Variants in FSTL4 observed in about 807,000 individuals in gnomAD.
FSTL4 encodes the protein follistatin like 4, also known as follistatin-related protein 4.
FSTL4 carries 28 observed loss-of-function variants against 78.2 expected under a neutral mutation model. The observed-to-expected ratio is 0.36, with a 90% CI of 0.27 to 0.49. The LOEUF (loss-of-function observed/expected upper bound fraction) is 0.49. Among genes scored for constraint, FSTL4 ranks in the 20% least tolerant of loss-of-function variants. The pLI is 0.98. For synonymous variants in FSTL4, 422 were observed against 440.5 expected, an observed-to-expected ratio of 0.96 and a Z score of 0.53; for missense variants, 922 against 1,084.9, an observed-to-expected ratio of 0.85 and a Z score of 2.11.
At chr5:133,241,816 A>G (rs1245337076) in intron 7 of FSTL4, among the ~76,000 whole-genome samples, 1 of 152,194 alleles carries the variant, frequency 6.6e-6, no homozygotes. Flanking sequence ...CAGGCTGAGA[A>G]GGCCTTACCA....
the FSTL4 span, among the ~76,000 whole-genome samples, chr5:133,701,560 G>A: frequency 6.6e-6 from 1 of 150,768 alleles, no homozygotes; most frequent in African/African-American, 2.4e-5. Flanking sequence ...AGGAATGCAG[G>A]TGACCATGGT....
chr5:133,525,785 G>T (rs1441413645), intron 3 of FSTL4, among the ~76,000 whole-genome samples: 1 of 152,164 alleles, frequency 6.6e-6, no homozygotes, highest in Non-Finnish European at 1.5e-5. Flanking sequence ...AGCAGGACCC[G>T]AGGTCCCTCA....
In FSTL4 at chr5:133,496,889, TG is replaced by T. The variant is rs571406566; in HGVS notation, c.160+70296del. 2.6e-4 allele frequency among the ~76,000 whole-genome samples: 40 copies of T among 152,250 alleles called. No homozygotes were observed. In the East Asian group the frequency reaches 7.7e-3, roughly 29 times the overall value. On this transcript the variant is annotated intron_variant, in intron 3 of 15. Transcript: ENST00000265342. ...CTCTTGTCCTCCCTGTACGTCCAGT[TG>T]GACTGCCCAAAGCCCTGACTCCCCC... is the stretch of plus-strand genomic sequence containing the variant.
At chr5:133,382,455 C>T (rs1755595896) in intron 4 of FSTL4, among the ~76,000 whole-genome samples, 1 of 152,234 alleles carries the variant, frequency 6.6e-6, no homozygotes, top group African/African-American at 2.4e-5. Flanking sequence ...CCTCCTCCTC[C>T]TCCTCCTCTC....
the FSTL4 span, among the ~76,000 whole-genome samples, chr5:133,744,170 T>C: frequency 3.3e-5 from 5 of 152,214 alleles, no homozygotes; most frequent in African/African-American, 1.2e-4. Flanking sequence ...GGGAGTCACC[T>C]GCAACCCAAA....
At chr5:133,589,300 A>AAAAAAAAAAAAAAT (rs1208142898) in intron 2 of FSTL4, among the ~76,000 whole-genome samples, 2 of 148,528 alleles carry the variant, frequency 1.3e-5, no homozygotes, top group Admixed American at 6.7e-5. Context: ...AAAAAAAAAA[A>AAAAAAAAAAAAAAT]AGATCAAGGC....
At chr5:133,218,003 T>C (rs1052483972) in intron 12 of FSTL4, among the ~76,000 whole-genome samples, 2 of 152,232 alleles carry the variant, frequency 1.3e-5, no homozygotes, top group Non-Finnish European at 2.9e-5. Flanking sequence ...AAATACATTC[T>C]ATGTGCTCAC....
intron 3 of FSTL4, among the ~76,000 whole-genome samples, chr5:133,453,564 C>A (rs1240417595): frequency 2.6e-5 from 4 of 152,182 alleles, no homozygotes; most frequent in South Asian, 2.1e-4. Flanking sequence ...TGAGCTTAGA[C>A]CTTGGGGCCA....
At chr5:133,647,496 C>G in the FSTL4 span, among the ~76,000 whole-genome samples, 1 of 152,174 alleles carries the variant, frequency 6.6e-6, no homozygotes, top group Non-Finnish European at 1.5e-5. Flanking sequence ...TACCAGCAAA[C>G]TCTGCAGTCT....
chr5:133,829,013 G>A, the FSTL4 span, among the ~76,000 whole-genome samples: 11 of 152,226 alleles, frequency 7.2e-5, no homozygotes, highest in South Asian at 2.3e-3. Flanking sequence ...GCCTCCCGGG[G>A]CCACGTGCTT....
At chr5:133,556,510 G>C (rs1759789951) in intron 3 of FSTL4, among the ~76,000 whole-genome samples, 1 of 152,302 alleles carries the variant, frequency 6.6e-6, no homozygotes, top group South Asian at 2.1e-4. Context: ...TGGATCACCA[G>C]AGGTCAGGAG....
intron 7 of FSTL4, among the ~76,000 whole-genome samples, chr5:133,240,540 G>A (rs1331198032): frequency 6.6e-6 from 1 of 152,166 alleles, no homozygotes; most frequent in Admixed American, 6.5e-5. Flanking sequence ...AAGCCACTGT[G>A]GGGAGAGCAC....
At chr5:133,235,128 T>C (rs1181594901) in intron 7 of FSTL4, among the ~76,000 whole-genome samples, 3 of 152,114 alleles carry the variant, frequency 2.0e-5, no homozygotes, top group African/African-American at 7.2e-5. Flanking sequence ...GAAATGCTGA[T>C]GTTCTCTCTT....
At chr5:133,695,426 C>A in the FSTL4 span, among the ~76,000 whole-genome samples, 2 of 152,174 alleles carry the variant, frequency 1.3e-5, no homozygotes, top group South Asian at 2.1e-4. Flanking sequence ...GGTTTCCCTT[C>A]TCAAATGTCA....
chr5:133,209,960 C>T, intron 14 of FSTL4: 1 of 418,080 alleles, frequency 2.4e-6, no homozygotes, highest in Non-Finnish European at 4.4e-6. Context: ...TTGGGTGCCA[C>T]ATTCTGATTG....
chr5:133,705,130 G>A, the FSTL4 span, among the ~76,000 whole-genome samples: 3 of 152,054 alleles, frequency 2.0e-5, no homozygotes, highest in South Asian at 4.1e-4. Flanking sequence ...GCACAATCTC[G>A]GCTCACTACA....
chr5:133,774,008 G>A, the FSTL4 span, among the ~76,000 whole-genome samples: 69 of 152,286 alleles, frequency 4.5e-4, no homozygotes, highest in African/African-American at 1.5e-3. Flanking sequence ...AGTGGCTCTG[G>A]CACTTTGTCA....
upstream of FSTL4, among the ~76,000 whole-genome samples, chr5:133,613,284 G>A (rs150860100): frequency 2.0e-5 from 3 of 152,202 alleles, no homozygotes; most frequent in Admixed American, 6.5e-5. Flanking sequence ...ATGGTCATAC[G>A]TAGCCTCAGT....
chr5:133,610,248 A>G (rs1330459045), intron 1 of FSTL4, among the ~76,000 whole-genome samples: 4 of 152,270 alleles, frequency 2.6e-5, no homozygotes, highest in African/African-American at 2.4e-5. Context: ...CCTAATACCC[A>G]GAAAAACAAG....
Sources: allele counts gnomAD v4.1 joint callset (sites outside exome capture counted in the v4.1 genomes callset), GRCh38; gene constraint gnomAD v4.1.1; transcripts MANE v1.5; gene names NCBI Gene and HGNC (gene_info 2026-07-23, HGNC 2026-07-21).